Variants in AUTS2 observed in about 807,000 individuals in gnomAD.
The protein encoded by AUTS2 is activator of transcription and developmental regulator AUTS2.
AUTS2 carries 17 observed loss-of-function variants against 112.4 expected under a neutral mutation model. That is an observed-to-expected ratio of 0.15 (90% CI 0.10 to 0.23). The LOEUF (loss-of-function observed/expected upper bound fraction) is 0.23. AUTS2 is among the 10% of genes least tolerant of loss of function. AUTS2 has a pLI of 1.00. For synonymous variants in AUTS2, 751 were observed against 702.7 expected (o/e 1.07, Z -1.09); for missense variants, 1,510 against 1,701.6 (o/e 0.89, Z 1.98).
chr7:70,228,293 T>C (rs1811871654), intron 4 of AUTS2, among the ~76,000 whole-genome samples: 3 of 151,990 alleles, frequency 2.0e-5, no homozygotes, highest in South Asian at 4.1e-4. Context: ...TTTTTCAATC[T>C]TTTTTAAACT....
chr7:69,753,753 G>C (rs1373088991), intron 1 of AUTS2, among the ~76,000 whole-genome samples: 2 of 152,158 alleles, frequency 1.3e-5, no homozygotes, highest in Non-Finnish European at 2.9e-5. Context: ...TCCAACTCAA[G>C]GAAGATTTGT....
chr7:70,764,927 A>G lies in AUTS2; in HGVS notation c.1390A>G (p.Thr464Ala). The G allele has an allele frequency of 6.6e-7, 1 of 1,513,458 alleles. No homozygotes were observed. Among genetic ancestry groups the G allele is most frequent in the African/African-American group, 1.8e-5 (1 of 56,626 alleles). 93.8% of individuals were successfully genotyped at this position (1,513,458 alleles called of 1,614,324 possible). ...SHHPNMFAPP[T>A]ALPPPPPLTS... Reference sequence around the variant, plus strand: ...TCACCCCAATATGTTTGCCCCTCCCACTGCTCTGCCTCCTCCACCACCACT... The same window carrying G: ...TCACCCCAATATGTTTGCCCCTCCCGCTGCTCTGCCTCCTCCACCACCACT... The change falls in exon 8 of 19, where the codon ACT becomes GCT. Residue 464 changes from threonine (T) to alanine (A), a missense_variant. Coordinates refer to ENST00000342771, the MANE Select transcript of AUTS2 (RefSeq NM_015570.4).
At chr7:70,256,623 C>T (rs1396981988) in intron 4 of AUTS2, among the ~76,000 whole-genome samples, 1 of 152,212 alleles carries the variant, frequency 6.6e-6, no homozygotes, top group African/African-American at 2.4e-5. Context: ...TCAGAAAACA[C>T]ATCACCGTGG....
chr7:70,552,128 G>A (rs550435873), intron 5 of AUTS2, among the ~76,000 whole-genome samples: 120 of 152,252 alleles, frequency 7.9e-4, no homozygotes, highest in Middle Eastern at 3.4e-3. Context: ...ATGTGCGTGT[G>A]TGTTTAAACA....
intron 6 of AUTS2, among the ~76,000 whole-genome samples, chr7:70,704,134 A>G (rs552356823): frequency 3.3e-4 from 50 of 152,350 alleles, no homozygotes; most frequent in African/African-American, 1.1e-3. Context: ...TCCATGTTGC[A>G]TGAAAGTGTC....
intron 4 of AUTS2, among the ~76,000 whole-genome samples, chr7:70,184,706 TA>T (rs1809506899): frequency 6.6e-6 from 1 of 152,186 alleles, no homozygotes; most frequent in Non-Finnish European, 1.5e-5. Flanking sequence ...TCAAACCAAA[TA>T]AGAAATTCCT....
chr7:70,405,472 C>CT (rs764252796), intron 4 of AUTS2, among the ~76,000 whole-genome samples: 6 of 152,230 alleles, frequency 3.9e-5, no homozygotes, highest in Non-Finnish European at 8.8e-5. Flanking sequence ...AATGACTAAA[C>CT]TTTAAAGCTG....
rs987834650 is a variant in AUTS2, at chr7:70,045,307, C to T, written c.523-72825C>T. Among the ~76,000 whole-genome samples the T allele has an allele frequency of 1.9e-4, 29 of 152,038 alleles. 1 individual carries two copies. The highest frequency in any genetic ancestry group is 5.3e-4 in the African/African-American group (22 of 41,400). ...AGACACTAGCCACATGCAACTGTTG[C>T]GCATTTGAAATATGACCAGTTCTAA... is the stretch of plus-strand genomic sequence containing the variant. On this transcript the variant is annotated intron_variant, in intron 2 of 18. Transcript: ENST00000342771.
At chr7:70,364,999 T>C (rs1252192027) in intron 4 of AUTS2, among the ~76,000 whole-genome samples, 4 of 152,332 alleles carry the variant, frequency 2.6e-5, no homozygotes, top group East Asian at 1.9e-4. Flanking sequence ...TCAGGTACAG[T>C]AGCTCAGTTT....
chr7:69,839,358 G>A (rs1325125248), intron 1 of AUTS2, among the ~76,000 whole-genome samples: 1 of 152,278 alleles, frequency 6.6e-6, no homozygotes, highest in Non-Finnish European at 1.5e-5. Flanking sequence ...GCAGAGTTCA[G>A]TCCCATTTCT....
At chr7:70,500,187 AC>A (rs1463128238) in intron 5 of AUTS2, among the ~76,000 whole-genome samples, 15 of 150,540 alleles carry the variant, frequency 1.0e-4, no homozygotes, top group African/African-American at 3.4e-4. Context: ...AAAAAAAAAA[AC>A]AAAACAAAAA....
chr7:69,955,608 C>T (rs1230879480), intron 2 of AUTS2, among the ~76,000 whole-genome samples: 3 of 152,170 alleles, frequency 2.0e-5, no homozygotes, highest in African/African-American at 7.2e-5. Context: ...ACTGCAGCCG[C>T]TTTGCAAACA....
intron 5 of AUTS2, among the ~76,000 whole-genome samples, chr7:70,527,666 A>G (rs552611944): frequency 6.6e-6 from 1 of 152,338 alleles, no homozygotes; most frequent in African/African-American, 2.4e-5. Flanking sequence ...GTCTACATAA[A>G]TAGCACTAAA....
chr7:70,014,934 G>A (rs893612676), intron 2 of AUTS2, among the ~76,000 whole-genome samples: 4 of 152,082 alleles, frequency 2.6e-5, no homozygotes, highest in African/African-American at 9.7e-5. Flanking sequence ...TTTCTTTTTA[G>A]TCAACCACAA....
intron 5 of AUTS2, among the ~76,000 whole-genome samples, chr7:70,682,624 C>T (rs1017774434): frequency 1.2e-4 from 19 of 152,182 alleles, no homozygotes; most frequent in African/African-American, 4.6e-4. Flanking sequence ...CTTCCATTCT[C>T]GCAGTGTTGA....
At chr7:70,034,736 T>C (rs1389731144) in intron 2 of AUTS2, among the ~76,000 whole-genome samples, 2 of 152,186 alleles carry the variant, frequency 1.3e-5, no homozygotes, top group Non-Finnish European at 2.9e-5. Flanking sequence ...ATGGATTAGC[T>C]TCCTTGTTAT....
At chr7:70,006,485 A>G (rs1304338845) in intron 2 of AUTS2, among the ~76,000 whole-genome samples, 1 of 152,204 alleles carries the variant, frequency 6.6e-6, no homozygotes, top group Non-Finnish European at 1.5e-5. Context: ...CATGGGCTGC[A>G]CGTTTCTTTT....
chr7:70,203,835 G>A (rs1810430038), intron 4 of AUTS2, among the ~76,000 whole-genome samples: 1 of 151,260 alleles, frequency 6.6e-6, no homozygotes. Flanking sequence ...GATTGTGAAT[G>A]TCAAGGAAAT....
At chr7:70,502,715 C>G (rs1798815198) in intron 5 of AUTS2, among the ~76,000 whole-genome samples, 1 of 152,198 alleles carries the variant, frequency 6.6e-6, no homozygotes, top group Non-Finnish European at 1.5e-5. Flanking sequence ...GGCAGAGAAG[C>G]ACTCATTAAC....
Sources: gnomAD v4.1 joint callset for allele counts (sites outside exome capture counted in the v4.1 genomes callset) on GRCh38, gnomAD v4.1.1 for gene constraint, MANE v1.5 for transcripts, NCBI Gene and HGNC (gene_info 2026-07-23, HGNC 2026-07-21) for gene names.